The following TRPM8 variants were observed in gnomAD, a reference collection of about 807,000 sequenced individuals.
TRPM8 encodes the protein TRPM8 cationic channel.
Under a neutral mutation model 133.7 loss-of-function variants are expected in TRPM8, and 110 were observed. The observed-to-expected ratio is 0.82, with a 90% CI of 0.70 to 0.96. The LOEUF (loss-of-function observed/expected upper bound fraction) is 0.96. Among genes scored for constraint, TRPM8 ranks in the 40% least tolerant of loss-of-function variants. The pLI is 0.00. For synonymous variants in TRPM8, 535 were observed against 532.3 expected (o/e 1.01, Z -0.07); for missense variants, 1,291 against 1,379.5 (o/e 0.94, Z 1.02).
chr2:234,007,438 G>A (rs749279592), intron 23 of TRPM8, among the ~76,000 whole-genome samples: 16 of 152,184 alleles, frequency 1.1e-4, no homozygotes, highest in Non-Finnish European at 1.9e-4. Context: ...TTTATGAATC[G>A]CATGAAGCTG....
rs758763853 is a variant in TRPM8, at chr2:233,960,877, C to T, written c.1464C>T (p.Leu488=). ...LENGLNLRKF[L]THDVLTELFS... ...ATGGCTTGAACCTACGGAAGTTTCTCACCCATGATGTCCTCACTGAACTCT... is the reference window on the plus strand; with the variant it reads ...ATGGCTTGAACCTACGGAAGTTTCTTACCCATGATGTCCTCACTGAACTCT... The change falls in exon 12 of 26, where the codon CTC becomes CTT. Residue 488 remains leucine, a synonymous_variant. Coordinates refer to ENST00000324695, the MANE Select transcript of TRPM8 (RefSeq NM_024080.5). 6 of 1,614,098 alleles carry T rather than the reference C, an allele frequency of 3.7e-6. No homozygotes were observed. Among genetic ancestry groups the T allele is most frequent in the African/African-American group, 1.3e-5 (1 of 74,928 alleles).
chr2:233,964,801 A>G (rs200539620), intron 14 of TRPM8, 44 bp downstream of exon 14: 997 of 1,555,672 alleles, frequency 6.4e-4, no homozygotes, highest in Non-Finnish European at 7.8e-4. Context: ...CGGATCTGCC[A>G]TGTGGCACAG....
intron 8 of TRPM8, 143 bp downstream of exon 8, chr2:233,947,298 C>T (rs1691067499): frequency 6.5e-7 from 1 of 1,548,128 alleles, no homozygotes; most frequent in Non-Finnish European, 8.7e-7. Flanking sequence ...ACATACTGTT[C>T]CCCTAACAGA....
chr2:234,009,331 C>T (rs563213595), intron 24 of TRPM8, among the ~76,000 whole-genome samples: 49 of 152,246 alleles, frequency 3.2e-4, no homozygotes, highest in Non-Finnish European at 5.6e-4. Flanking sequence ...GGAGTGACTT[C>T]GGAGGGAGCT....
At chr2:233,982,916 T>A in intron 19 of TRPM8, 137 bp from the exon 20 acceptor site, 1 of 884,048 alleles carries the variant, frequency 1.1e-6, no homozygotes. Context: ...AATTAGTCAG[T>A]GAACTCTGGG....
intron 22 of TRPM8, among the ~76,000 whole-genome samples, chr2:233,999,525 A>G (rs11563124): frequency 0.044 from 6,758 of 151,922 alleles, 174 homozygotes; most frequent in Middle Eastern, 0.054. Context: ...CTGTTTGGCC[A>G]TCGTGGCCCT....
At chr2:234,004,458 G>A (rs1169133898) in intron 22 of TRPM8, among the ~76,000 whole-genome samples, 3 of 152,174 alleles carry the variant, frequency 2.0e-5, no homozygotes, top group African/African-American at 2.4e-5. Context: ...CTGGCAATTC[G>A]TTTCCTACAT....
chr2:233,953,236 G>A (rs1691212253), intron 9 of TRPM8, among the ~76,000 whole-genome samples: 1 of 152,218 alleles, frequency 6.6e-6, no homozygotes, highest in African/African-American at 2.4e-5. Flanking sequence ...ACCCAGCGGA[G>A]CCTCTGCAGT....
intron 8 of TRPM8, among the ~76,000 whole-genome samples, chr2:233,949,717 T>A (rs1691127969): frequency 6.6e-6 from 1 of 152,270 alleles, no homozygotes; most frequent in South Asian, 2.1e-4. Context: ...CATAATGTGT[T>A]CTTATTATGG....
rs188185393 is a variant in TRPM8, at chr2:233,989,312, G to A, written c.2939+3447G>A. On this transcript the variant is annotated intron_variant, in intron 21 of 25. Transcript: ENST00000324695. The surrounding 1 kb of genome is among the most constrained non-coding windows in gnomAD (Gnocchi z 4.2). ...TCAGCGTCTGTGGTCCTGGCCGCGC[G>A]TTATCTGGCTTAACTCAGGTCTCTT... Among the ~76,000 whole-genome samples the A allele has an allele frequency of 1.3e-5, 2 of 152,184 alleles. No individual in the cohort carries two copies. The highest frequency in any genetic ancestry group is 2.1e-4 in the South Asian group (1 of 4,832).
At chr2:233,935,508 A>G (rs1690708081) in intron 3 of TRPM8, among the ~76,000 whole-genome samples, 1 of 151,222 alleles carries the variant, frequency 6.6e-6, no homozygotes, top group African/African-American at 2.4e-5. Context: ...CACTGATCTT[A>G]CCAGGACTTT....
chr2:233,925,617 C>T (rs916747894), intron 1 of TRPM8, among the ~76,000 whole-genome samples: 7 of 152,024 alleles, frequency 4.6e-5, no homozygotes, highest in Admixed American at 2.0e-4. Context: ...GCAGAGACAA[C>T]GCGAGAGCCT....
At chr2:233,974,435 T>G (rs1439953917) in intron 17 of TRPM8, among the ~76,000 whole-genome samples, 1 of 152,124 alleles carries the variant, frequency 6.6e-6, no homozygotes, top group Non-Finnish European at 1.5e-5. Flanking sequence ...GGTTTCACCA[T>G]GTTGGCCAGG....
At chr2:234,014,457 T>C (rs1692910732) in intron 24 of TRPM8, 105 bp from the exon 25 acceptor site, 1 of 596,744 alleles carries the variant, frequency 1.7e-6, no homozygotes, top group Non-Finnish European at 2.8e-6. Context: ...ATGCTTGCTA[T>C]TTAGTAGACA....
rs1559516800 is a variant in TRPM8, at chr2:233,927,962, T to TCTCTCTCTCTCTCTC, written c.117+1308_117+1309insCTCTCTCTCTCTCTC. Among the ~76,000 whole-genome samples, 9 of 31,410 alleles carry TCTCTCTCTCTCTCTC rather than the reference T, an allele frequency of 2.9e-4. 1 individual carries two copies. Among genetic ancestry groups the TCTCTCTCTCTCTCTC allele is most frequent in the Non-Finnish European group, 3.5e-4 (7 of 19,976 alleles). The allele number at this position is 31,410 out of a possible 152,430, so 20.6% of individuals were successfully genotyped here. A position where few individuals can be genotyped will look rare whatever the true frequency, so the allele number is the denominator to read the frequency against. ...TCTCTCTCTCTCTCTCTCTCTCTCT[T>TCTCTCTCTCTCTCTC]TCTTTCTTTCTTTCTTTTTTTTTTT... On this transcript the variant is annotated intron_variant, in intron 2 of 25. Coordinates refer to ENST00000324695, the MANE Select transcript of TRPM8 (RefSeq NM_024080.5).
At chr2:234,004,584 G>C (rs1392310528) in intron 22 of TRPM8, among the ~76,000 whole-genome samples, 1 of 152,188 alleles carries the variant, frequency 6.6e-6, no homozygotes, top group Non-Finnish European at 1.5e-5. Context: ...GGAATCCAAA[G>C]TTTCACTTTT....
At chr2:233,928,220 C>G (rs903781332) in intron 2 of TRPM8, among the ~76,000 whole-genome samples, 1 of 152,002 alleles carries the variant, frequency 6.6e-6, no homozygotes, top group African/African-American at 2.4e-5. Context: ...CCGCCCACCT[C>G]GGCCTCCCAA....
intron 3 of TRPM8, among the ~76,000 whole-genome samples, chr2:233,935,072 T>C (rs1691762271): frequency 6.6e-6 from 1 of 152,208 alleles, no homozygotes; most frequent in Non-Finnish European, 1.5e-5. Flanking sequence ...ATATCTACTT[T>C]ACAAAAATCA....
chr2:233,945,873 G>C lies in TRPM8; in HGVS notation c.717G>C (p.Gln239His), dbSNP rs548310640. 8.1e-6 allele frequency: 13 copies of C among 1,613,820 alleles called. No homozygotes were observed. The South Asian group carries it at 1.4e-4, about 18-fold the overall frequency. Residue 239 changes from glutamine to histidine, a missense_variant, in exon 7 of 26, where the codon CAG becomes CAC. Physicochemically the swap from Gln to His is conservative, Grantham distance 24. This residue lies in a region of TRPM8 where 963 missense variants were observed against 968.9 expected (regional missense o/e 0.99). Transcript: ENST00000324695. ...NCDAEGYFLA[Q>H]YLMDDFTRDP... Reference sequence around the variant, plus strand: ...CTTTTCAGGGCTATTTTTTAGCCCAGTACCTTATGGATGACTTCACAAGAG... The same window carrying C: ...CTTTTCAGGGCTATTTTTTAGCCCACTACCTTATGGATGACTTCACAAGAG...
Sources: gnomAD v4.1 joint callset for allele counts (sites outside exome capture counted in the v4.1 genomes callset) on GRCh38, gnomAD v4.1.1 for gene constraint, gnomAD v4.1.1 regional missense constraint, Gnocchi (gnomAD v3.1) non-coding constraint, MANE v1.5 for transcripts, NCBI Gene and HGNC (gene_info 2026-07-23, HGNC 2026-07-21) for gene names.